The following DDB2 variants were observed in gnomAD, a reference collection of about 807,000 sequenced individuals.
The protein encoded by DDB2 is damage specific DNA binding protein 2, also known as DNA damage-binding protein 2.
DDB2 carries 27 observed loss-of-function variants against 50.5 expected under a neutral mutation model. The observed-to-expected ratio is 0.53, with a 90% CI of 0.39 to 0.74. The LOEUF (loss-of-function observed/expected upper bound fraction) is 0.74, where lower values mean the gene tolerates loss of function less well. DDB2 is among the 30% of genes least tolerant of loss of function. The pLI is 0.00. For missense variants in DDB2, 424 were observed against 545.6 expected (o/e 0.78, Z 2.22); for synonymous variants, 176 against 205.5 (o/e 0.86, Z 1.23).
intron 3 of DDB2, among the ~76,000 whole-genome samples, chr11:47,225,687 A>G (rs964723831): frequency 3.3e-5 from 5 of 152,264 alleles, no homozygotes; most frequent in African/African-American, 1.2e-4. Flanking sequence ...AATGTTAACT[A>G]TATTCACATT....
At position 47,233,175 on chromosome 11, in the gene DDB2, C is replaced by CTTCTGTA; in HGVS notation, c.602+216_602+217insTTCTGTA. 4.9e-6 allele frequency: 3 copies of CTTCTGTA among 616,462 alleles called. No individual in the cohort carries two copies. In the South Asian group the frequency reaches 5.3e-5, roughly 11 times the overall value. 38.2% of individuals were successfully genotyped at this position (616,462 alleles called of 1,614,324 possible). A position where few individuals can be genotyped will look rare whatever the true frequency, so the allele number is the denominator to read the frequency against. ...GCTTTGGGAAGGTGTTCTGGAGCCT[C>CTTCTGTA]AGCTCTTCTGTAAGTCATACCTGTA... On this transcript the variant is annotated intron_variant, in intron 4 of 9. Coordinates refer to ENST00000256996, the MANE Select transcript of DDB2 (RefSeq NM_000107.3).
rs138991340 is a variant in DDB2, at chr11:47,234,427, C to G, written c.603-146C>G. The G allele has an allele frequency of 2.4e-4, 183 of 749,646 alleles. 1 individual carries two copies. In the East Asian group the frequency reaches 4.6e-3, roughly 19 times the overall value. The allele number at this position is 749,646 out of a possible 1,614,324, so 46.4% of individuals were successfully genotyped here. ...GGTAGAGCAGTCTGAATGTTCCTCA[C>G]TAGGAATCCACGGCAAGACAGTTAT... is the stretch of plus-strand genomic sequence containing the variant. On this transcript the variant is annotated intron_variant, in intron 4 of 9. Transcript: ENST00000256996.
intron 3 of DDB2, among the ~76,000 whole-genome samples, chr11:47,228,642 C>CAAAAAA (rs61273211): frequency 4.3e-4 from 29 of 66,932 alleles, no homozygotes; most frequent in South Asian, 1.9e-3. Context: ...GACTCTGTCT[C>CAAAAAA]AAAAAAAAAA....
intron 3 of DDB2, among the ~76,000 whole-genome samples, chr11:47,221,376 C>A (rs1011043288): frequency 6.6e-6 from 1 of 151,396 alleles, no homozygotes; most frequent in African/African-American, 2.4e-5. Flanking sequence ...TGGGTTCAAG[C>A]TATTCTCCTT....
At chr11:47,229,410 G>T (rs1335047453) in intron 3 of DDB2, among the ~76,000 whole-genome samples, 1 of 152,178 alleles carries the variant, frequency 6.6e-6, no homozygotes, top group Non-Finnish European at 1.5e-5. Context: ...GGGCAAGGAA[G>T]TTGTGTCTGC....
chr11:47,219,816 C>T (rs927328209), intron 3 of DDB2, among the ~76,000 whole-genome samples: 2 of 151,954 alleles, frequency 1.3e-5, no homozygotes, highest in Admixed American at 1.3e-4. Context: ...GAGATGGAGT[C>T]TCACTCCGCC....
intron 3 of DDB2, chr11:47,229,833 T>TC (rs1420343002): frequency 2.4e-6 from 1 of 420,504 alleles, no homozygotes; most frequent in Non-Finnish European, 4.6e-6. Flanking sequence ...TTTTTTTTTT[T>TC]TTCTTCTTCC....
At chr11:47,227,554 A>G (rs1953578751) in intron 3 of DDB2, among the ~76,000 whole-genome samples, 1 of 148,374 alleles carries the variant, frequency 6.7e-6, no homozygotes, top group Non-Finnish European at 1.5e-5. Context: ...CTTGTCACCC[A>G]GGCTGGAGTG....
At chr11:47,231,712 G>T (rs985002564) in intron 3 of DDB2, among the ~76,000 whole-genome samples, 2 of 151,448 alleles carry the variant, frequency 1.3e-5, no homozygotes, top group Non-Finnish European at 2.9e-5. Flanking sequence ...TAGAGATGGG[G>T]TCTCCCTATA....
At chr11:47,233,097 C>A in intron 4 of DDB2, 138 bp downstream of exon 4, 1 of 1,068,236 alleles carries the variant, frequency 9.4e-7, no homozygotes, top group Non-Finnish European at 1.4e-6. Flanking sequence ...GCCCTTCTTT[C>A]TCTTTCTCAA....
At chr11:47,222,053 G>A (rs1953492835) in intron 3 of DDB2, among the ~76,000 whole-genome samples, 1 of 152,226 alleles carries the variant, frequency 6.6e-6, no homozygotes, top group African/African-American at 2.4e-5. Context: ...GTACAACTGT[G>A]AAGCCATCAC....
At chr11:47,227,733 CAT>C (rs1953581529) in intron 3 of DDB2, among the ~76,000 whole-genome samples, 1 of 152,130 alleles carries the variant, frequency 6.6e-6, no homozygotes, top group Non-Finnish European at 1.5e-5. Flanking sequence ...CTGGCCATAA[CAT>C]ATTTATCGTT....
At chr11:47,222,693 A>G (rs1432722576) in intron 3 of DDB2, among the ~76,000 whole-genome samples, 1 of 152,210 alleles carries the variant, frequency 6.6e-6, no homozygotes, top group Non-Finnish European at 1.5e-5. Flanking sequence ...GTTCAAGGAC[A>G]TTTGAATTTT....
At chr11:47,231,549 G>A (rs896573657) in intron 3 of DDB2, among the ~76,000 whole-genome samples, 1 of 151,920 alleles carries the variant, frequency 6.6e-6, no homozygotes, top group African/African-American at 2.4e-5. Flanking sequence ...TTAGAGACAG[G>A]GTCTTGCTCT....
intron 9 of DDB2, 57 bp downstream of exon 9, chr11:47,238,240 C>T: frequency 6.7e-7 from 1 of 1,483,666 alleles, no homozygotes; most frequent in Non-Finnish European, 9.2e-7. Context: ...TCCCAAGGTT[C>T]AGTGCGGGCC....
At chr11:47,221,313 G>A (rs1953481526) in intron 3 of DDB2, among the ~76,000 whole-genome samples, 1 of 148,914 alleles carries the variant, frequency 6.7e-6, no homozygotes, top group South Asian at 2.1e-4. Flanking sequence ...TTGCTCTGTC[G>A]CTCAGGCTGG....
At chr11:47,225,436 C>A (rs1183712302) in intron 3 of DDB2, among the ~76,000 whole-genome samples, 5 of 151,132 alleles carry the variant, frequency 3.3e-5, no homozygotes, top group Non-Finnish European at 7.4e-5. Flanking sequence ...ACTAAAAACA[C>A]AAAAAATTAG....
Position 47,238,878 on chromosome 11 carries a change from A to G in DDB2, c.*29A>G, listed in dbSNP as rs1953792819. The G allele has an allele frequency of 1.2e-5, 19 of 1,611,322 alleles. No homozygotes were observed. Among genetic ancestry groups the G allele is most frequent in the Non-Finnish European group, 1.6e-5 (19 of 1,178,776 alleles). The stretch of plus-strand genomic sequence containing the variant: ...ACACTAAAGAAGGTGTGGGCCAGAC[A>G]AGGCCTTGGAGCCCACACATGGGAT... On this transcript the variant is annotated 3_prime_UTR_variant, in exon 10 of 10. Transcript: ENST00000256996.
At chr11:47,234,699 C>T (rs1367836287) in intron 5 of DDB2, 27 bp downstream of exon 5, 2 of 1,613,676 alleles carry the variant, frequency 1.2e-6, no homozygotes, top group African/African-American at 1.3e-5. Flanking sequence ...CCTGCCTTTC[C>T]CTCCCTCACC....
Sources: allele counts gnomAD v4.1 joint callset (sites outside exome capture counted in the v4.1 genomes callset), GRCh38; gene constraint gnomAD v4.1.1; transcripts MANE v1.5; gene names NCBI Gene and HGNC (gene_info 2026-07-23, HGNC 2026-07-21).